Variants in DNAAF9 observed in about 807,000 individuals in gnomAD.
DNAAF9 encodes shulin.
Under a neutral mutation model 167.0 loss-of-function variants are expected in DNAAF9, and 90 were observed. That is an observed-to-expected ratio of 0.54 (90% CI 0.45 to 0.64). The LOEUF is 0.64. Among genes scored for constraint, DNAAF9 ranks in the 30% least tolerant of loss-of-function variants. The probability of loss-of-function intolerance (pLI) is 0.00; values close to 1 mark genes in which losing one functional copy is unlikely to be tolerated. For synonymous variants in DNAAF9, 491 were observed against 508.8 expected (o/e 0.96, Z 0.47); for missense variants, 1,315 against 1,442.2 (o/e 0.91, Z 1.43).
At chr20:3,357,102 T>C (rs2083296228) in intron 7 of DNAAF9, among the ~76,000 whole-genome samples, 1 of 152,216 alleles carries the variant, frequency 6.6e-6, no homozygotes, top group African/African-American at 2.4e-5. Context: ...GCTACTTATT[T>C]TCAATTAAAA....
intron 6 of DNAAF9, among the ~76,000 whole-genome samples, chr20:3,367,569 T>C (rs1488990363): frequency 2.0e-5 from 3 of 152,202 alleles, no homozygotes; most frequent in East Asian, 3.8e-4. Flanking sequence ...TGTAGGGTTA[T>C]TAATTGGCCT....
At position 3,315,555 on chromosome 20, in the gene DNAAF9, C is replaced by A. The variant is rs1402028396; in HGVS notation, c.1590+180G>T. 1.3e-5 allele frequency among the ~76,000 whole-genome samples: 2 copies of A among 152,100 alleles called. No individual in the cohort carries two copies. Among genetic ancestry groups the A allele is most frequent in the Non-Finnish European group, 2.9e-5 (2 of 68,022 alleles). On this transcript the variant is annotated intron_variant, in intron 19 of 36. Transcript: ENST00000252032. The surrounding 1 kb of genome is among the most constrained non-coding windows in gnomAD (Gnocchi z 4.1). The stretch of plus-strand genomic sequence containing the variant: ...AATAAAGAATCCCTCTAATTGTATC[C>A]CCCATAAATGGTTATTTCTAAAGCT...
chr20:3,376,880 T>G (rs1356776114), intron 3 of DNAAF9, among the ~76,000 whole-genome samples: 1 of 152,136 alleles, frequency 6.6e-6, no homozygotes, highest in African/African-American at 2.4e-5. Context: ...CTGACCAACA[T>G]GGTGAAACCC....
chr20:3,388,759 G>T (rs2083785257), intron 1 of DNAAF9, among the ~76,000 whole-genome samples: 1 of 152,160 alleles, frequency 6.6e-6, no homozygotes, highest in Non-Finnish European at 1.5e-5. Flanking sequence ...GAGACAGAAG[G>T]TAGATAGAAT....
intron 12 of DNAAF9, among the ~76,000 whole-genome samples, chr20:3,327,455 G>C (rs552105431): frequency 7.9e-5 from 12 of 152,204 alleles, no homozygotes; most frequent in African/African-American, 2.9e-4. Context: ...CTCTTCTTAG[G>C]ACACTTACGA....
chr20:3,303,180 T>C (rs1311729778), intron 21 of DNAAF9, among the ~76,000 whole-genome samples: 2 of 151,150 alleles, frequency 1.3e-5, no homozygotes, highest in African/African-American at 2.4e-5. Context: ...AGGCAGAGCT[T>C]GCAGTGAGTC....
Position 3,382,491 on chromosome 20 carries a change from C to T in DNAAF9, c.99G>A (p.Arg33=). The change falls in exon 2 of 37, where the codon CGG becomes CGA. Residue 33 remains arginine, a synonymous_variant. Transcript: ENST00000252032. ...TCTGGGTCAGGATGCTCTGAACCTG[C>T]CGAAGTCGACTGCAGCTGCAACAAG... is the stretch of plus-strand genomic sequence containing the variant. ...GSPSVSCSRL[R]QVQSILTQSS... The T allele has an allele frequency of 2.5e-6, 4 of 1,613,746 alleles. No individual in the cohort carries two copies. In the South Asian group the frequency reaches 3.3e-5, roughly 13 times the overall value.
intron 31 of DNAAF9, among the ~76,000 whole-genome samples, 172 bp from the exon 32 acceptor site, chr20:3,260,200 G>A (rs2068357590): frequency 6.6e-6 from 1 of 151,838 alleles, no homozygotes; most frequent in Non-Finnish European, 1.5e-5. Flanking sequence ...TTAGCCGGGC[G>A]CGGTGGCGGG....
chr20:3,394,007 T>C (rs533645094), intron 1 of DNAAF9, among the ~76,000 whole-genome samples: 4 of 152,092 alleles, frequency 2.6e-5, no homozygotes, highest in Non-Finnish European at 4.4e-5. Context: ...GTCATTTGAG[T>C]TTTTTCAGAA....
At chr20:3,376,398 CAG>C (rs1174930706) in intron 3 of DNAAF9, 96 bp from the exon 4 acceptor site, 1 of 997,206 alleles carries the variant, frequency 1.0e-6, no homozygotes, top group African/African-American at 1.6e-5. Flanking sequence ...GAAACTACTT[CAG>C]AGACAATGTA....
At chr20:3,275,570 G>C (rs1205294586) in intron 29 of DNAAF9, among the ~76,000 whole-genome samples, 1 of 152,166 alleles carries the variant, frequency 6.6e-6, no homozygotes, top group Non-Finnish European at 1.5e-5. Flanking sequence ...TGCTTTATAG[G>C]GAAACAAGCA....
At chr20:3,397,467 T>C (rs1170743232) in intron 1 of DNAAF9, among the ~76,000 whole-genome samples, 1 of 152,024 alleles carries the variant, frequency 6.6e-6, no homozygotes, top group Non-Finnish European at 1.5e-5. Context: ...TACACGCACC[T>C]GCCACTAAGC....
intron 11 of DNAAF9, 112 bp from the exon 12 acceptor site, chr20:3,330,794 T>A: frequency 2.0e-6 from 1 of 499,216 alleles, no homozygotes; most frequent in Non-Finnish European, 3.5e-6. Flanking sequence ...AACTACACTT[T>A]TTTTTTTTTT....
chr20:3,258,973 A>C (rs2068330540), intron 33 of DNAAF9, among the ~76,000 whole-genome samples: 1 of 152,154 alleles, frequency 6.6e-6, no homozygotes, highest in African/African-American at 2.4e-5. Context: ...ACTGACTCCT[A>C]CTGGTTTTGA....
intron 3 of DNAAF9, among the ~76,000 whole-genome samples, chr20:3,379,160 C>T (rs183856715): frequency 2.6e-5 from 4 of 151,854 alleles, no homozygotes; most frequent in African/African-American, 9.6e-5. Flanking sequence ...ATTAGGATCC[C>T]GTAAGAGACA....
chr20:3,344,961 T>C lies in DNAAF9; in HGVS notation c.790-1230A>G, dbSNP rs550826028. 3.3e-5 allele frequency among the ~76,000 whole-genome samples: 5 copies of C among 152,318 alleles called. No individual in the cohort carries two copies. In the South Asian group the frequency reaches 1.0e-3, roughly 32 times the overall value. ...AGACATGTTCAGTGGCTATTTGGAT[T>C]TCCCTTCATTAGTTAACAGTTTATT... is the stretch of plus-strand genomic sequence containing the variant. On this transcript the variant is annotated intron_variant, in intron 8 of 36. Coordinates refer to ENST00000252032, the MANE Select transcript of DNAAF9 (RefSeq NM_001009984.3).
chr20:3,319,082 C>CAAAAAAAAA (rs71195834), intron 16 of DNAAF9, among the ~76,000 whole-genome samples: 15 of 71,122 alleles, frequency 2.1e-4, no homozygotes, highest in African/African-American at 2.5e-4. Flanking sequence ...GACTCTGTCT[C>CAAAAAAAAA]AAAAAAAAAA....
chr20:3,320,086 T>A (rs1306938022), intron 16 of DNAAF9, among the ~76,000 whole-genome samples: 1 of 152,204 alleles, frequency 6.6e-6, no homozygotes, highest in Non-Finnish European at 1.5e-5. Context: ...GTAGCATTTG[T>A]TGGACACTTG....
intron 12 of DNAAF9, 88 bp from the exon 13 acceptor site, chr20:3,326,372 A>C: frequency 2.2e-6 from 2 of 891,656 alleles, no homozygotes; most frequent in Non-Finnish European, 3.6e-6. Flanking sequence ...GCCCCTAAGA[A>C]ACTGATTTTT....
Sources: allele counts gnomAD v4.1 joint callset (sites outside exome capture counted in the v4.1 genomes callset), GRCh38; gene constraint gnomAD v4.1.1; non-coding constraint Gnocchi (gnomAD v3.1); transcripts MANE v1.5; gene names NCBI Gene and HGNC (gene_info 2026-07-23, HGNC 2026-07-21).